Variants in TNS3 observed in about 807,000 individuals in gnomAD.
TNS3 encodes tensin-3.
TNS3 carries 45 observed loss-of-function variants against 140.9 expected under a neutral mutation model. That is an observed-to-expected ratio of 0.32 (90% CI 0.25 to 0.41). The LOEUF is 0.41. TNS3 is among the 10% of genes least tolerant of loss of function. TNS3 has a pLI of 1.00. For synonymous variants in TNS3, 815 were observed against 788.4 expected, an observed-to-expected ratio of 1.03 and a Z score of -0.56; for missense variants, 1,716 against 1,906.7, an observed-to-expected ratio of 0.90 and a Z score of 1.86.
At chr7:47,338,674 T>C (rs529448960) in intron 20 of TNS3, among the ~76,000 whole-genome samples, 4 of 152,344 alleles carry the variant, frequency 2.6e-5, no homozygotes, top group Admixed American at 2.6e-4. Flanking sequence ...ATGATTTGGT[T>C]CTTTTTTTAC....
At chr7:47,295,260 T>C (rs1054475853) in intron 24 of TNS3, among the ~76,000 whole-genome samples, 1 of 152,218 alleles carries the variant, frequency 6.6e-6, no homozygotes, top group Non-Finnish European at 1.5e-5. Flanking sequence ...AACAGTTATA[T>C]ACTCTCATCT....
chr7:47,481,745 A>T, intron 3 of TNS3: 5 of 983,904 alleles, frequency 5.1e-6, no homozygotes, highest in Non-Finnish European at 6.0e-6. Flanking sequence ...AAAGATAAAG[A>T]AAGTAACGGA....
chr7:47,369,847 C>T (rs1039643506), intron 16 of TNS3, among the ~76,000 whole-genome samples: 3 of 151,920 alleles, frequency 2.0e-5, no homozygotes, highest in African/African-American at 7.3e-5. Flanking sequence ...AGAATCACTT[C>T]TACCTTTCCA....
chr7:47,285,336 C>T (rs747018957), intron 27 of TNS3, among the ~76,000 whole-genome samples: 38 of 152,150 alleles, frequency 2.5e-4, no homozygotes, highest in Non-Finnish European at 3.4e-4. Flanking sequence ...ATTGTAGCTC[C>T]CATAATTCCC....
rs544741229 is a variant in TNS3 at position 47,470,586 on chromosome 7, G to A, written c.-76+10517C>T. 11 of 985,404 alleles carry A rather than the reference G, an allele frequency of 1.1e-5. No individual in the cohort carries two copies. The African/African-American group carries it at 1.9e-4, about 17-fold the overall frequency. 61.0% of individuals were successfully genotyped at this position (985,404 alleles called of 1,614,324 possible). A position where few individuals can be genotyped will look rare whatever the true frequency, so the allele number is the denominator to read the frequency against. The stretch of plus-strand genomic sequence containing the variant: ...CTTTGGTGCGTCCAGCCCTGACCTG[G>A]CCCACCTGTCACTTTAGGAAGAGAT... On this transcript the variant is annotated intron_variant, in intron 4 of 30. Coordinates refer to ENST00000311160, the MANE Select transcript of TNS3 (RefSeq NM_022748.12).
intron 20 of TNS3, among the ~76,000 whole-genome samples, chr7:47,340,585 C>CTT (rs774726583): frequency 1.5e-5 from 2 of 134,856 alleles, no homozygotes; most frequent in East Asian, 2.1e-4. Context: ...TCTTTTTTTT[C>CTT]TTTTTTTTTT....
At chr7:47,302,141 G>T in intron 23 of TNS3, 45 bp downstream of exon 23, 1 of 1,513,690 alleles carries the variant, frequency 6.6e-7, no homozygotes, top group Non-Finnish European at 9.2e-7. Flanking sequence ...AGCGAAGCGG[G>T]CACTAGGGCA....
chr7:47,361,213 A>AAAAAAAAAAAAAAAAAAAC (rs1425449483), intron 17 of TNS3, among the ~76,000 whole-genome samples: 1 of 145,698 alleles, frequency 6.9e-6, no homozygotes, highest in Non-Finnish European at 1.5e-5. Flanking sequence ...TGCCAAAAAA[A>AAAAAAAAAAAAAAAAAAAC]AAAAAAAAAA....
chr7:47,315,369 G>A (rs776447200), intron 20 of TNS3, among the ~76,000 whole-genome samples: 16 of 152,202 alleles, frequency 1.1e-4, no homozygotes, highest in Admixed American at 5.9e-4. Flanking sequence ...CCCCGGGACC[G>A]GGCTAGAACT....
At chr7:47,299,604 A>C (rs574160601) in intron 23 of TNS3, among the ~76,000 whole-genome samples, 6 of 152,204 alleles carry the variant, frequency 3.9e-5, no homozygotes, top group South Asian at 2.1e-4. Context: ...TGTGGATGGC[A>C]GTGGAGGGAA....
intron 3 of TNS3, chr7:47,481,734 GA>G (rs1222879180): frequency 2.3e-5 from 23 of 984,590 alleles, no homozygotes; most frequent in Non-Finnish European, 2.8e-5. Context: ...AGCTCCCTGG[GA>G]AAGATAAAGA....
At chr7:47,512,406 G>GT (rs2151897557) in intron 2 of TNS3, among the ~76,000 whole-genome samples, 1 of 152,342 alleles carries the variant, frequency 6.6e-6, no homozygotes, top group South Asian at 2.1e-4. Context: ...GTAGAACAGG[G>GT]TGATAGCCAA....
At chr7:47,516,802 G>A (rs1798791711) in intron 2 of TNS3, among the ~76,000 whole-genome samples, 1 of 152,148 alleles carries the variant, frequency 6.6e-6, no homozygotes, top group South Asian at 2.1e-4. Flanking sequence ...GTGGCTCACG[G>A]CTATAATCCC....
chr7:47,340,110 T>TC (rs1788895311), intron 20 of TNS3, among the ~76,000 whole-genome samples: 1 of 47,578 alleles, frequency 2.1e-5, no homozygotes, highest in Non-Finnish European at 4.5e-5. Context: ...TATATATATA[T>TC]ATATATTTTT....
At chr7:47,416,712 T>C (rs1211781311) in intron 10 of TNS3, among the ~76,000 whole-genome samples, 1 of 152,206 alleles carries the variant, frequency 6.6e-6, no homozygotes, top group Non-Finnish European at 1.5e-5. Context: ...CTTTCTACCC[T>C]GGCAACAAGA....
intron 1 of TNS3, among the ~76,000 whole-genome samples, chr7:47,578,942 G>C (rs779333726): frequency 2.0e-5 from 3 of 149,848 alleles, no homozygotes; most frequent in African/African-American, 4.9e-5. Flanking sequence ...GCAGCATTTT[G>C]GTGGCAGCGA....
intron 2 of TNS3, among the ~76,000 whole-genome samples, chr7:47,509,010 C>T (rs1798514869): frequency 6.6e-6 from 1 of 152,214 alleles, no homozygotes; most frequent in Admixed American, 6.5e-5. Context: ...TCACCTGTGT[C>T]CCAAATTCCT....
chr7:47,521,123 A>T (rs1349747725), intron 2 of TNS3, among the ~76,000 whole-genome samples: 1 of 152,162 alleles, frequency 6.6e-6, no homozygotes, highest in East Asian at 1.9e-4. Flanking sequence ...CCAGGGGAGC[A>T]GATAGATTCA....
At chr7:47,537,515 G>A (rs1799646540) in intron 1 of TNS3, among the ~76,000 whole-genome samples, 1 of 152,064 alleles carries the variant, frequency 6.6e-6, no homozygotes, top group Non-Finnish European at 1.5e-5. Context: ...GGGGGAGCAG[G>A]ATCTTGCAGC....
Sources: allele counts gnomAD v4.1 joint callset (sites outside exome capture counted in the v4.1 genomes callset), GRCh38; gene constraint gnomAD v4.1.1; transcripts MANE v1.5; gene names NCBI Gene and HGNC (gene_info 2026-07-23, HGNC 2026-07-21).